CNTN5: variants seen among roughly 807,000 people sequenced by gnomAD.
CNTN5 encodes the protein contactin-5.
A neutral mutation model predicts 129.1 loss-of-function variants in CNTN5; 77 were observed. That is an observed-to-expected ratio of 0.60 (90% CI 0.50 to 0.72). CNTN5 has a LOEUF of 0.72. Among genes scored for constraint, CNTN5 ranks in the 30% least tolerant of loss-of-function variants. The pLI is 0.00. For synonymous variants in CNTN5, 509 were observed against 465.6 expected (o/e 1.09, Z -1.20); for missense variants, 1,478 against 1,328.8 (o/e 1.11, Z -1.75).
intron 1 of CNTN5, among the ~76,000 whole-genome samples, chr11:99,037,615 C>T (rs922317530): frequency 7.5e-6 from 1 of 132,568 alleles, no homozygotes; most frequent in African/African-American, 2.9e-5. Flanking sequence ...GAGTCTCGCT[C>T]TCTTACCCAG....
intron 2 of CNTN5, among the ~76,000 whole-genome samples, chr11:99,411,538 AC>A (rs965905628): frequency 1.5e-4 from 22 of 149,632 alleles, no homozygotes; most frequent in Admixed American, 6.6e-4. Flanking sequence ...ATAAATAAAT[AC>A]AAAAAATTTT....
At chr11:99,460,753 A>T (rs1023485726) in intron 2 of CNTN5, among the ~76,000 whole-genome samples, 2 of 152,028 alleles carry the variant, frequency 1.3e-5, no homozygotes, top group Non-Finnish European at 2.9e-5. Flanking sequence ...TGAAAGAGGG[A>T]AAAGTCGAAT....
At chr11:99,528,443 C>A (rs1007012253) in intron 2 of CNTN5, among the ~76,000 whole-genome samples, 14 of 152,300 alleles carry the variant, frequency 9.2e-5, no homozygotes, top group African/African-American at 3.4e-4. Flanking sequence ...GAGCACCAAG[C>A]TTTATAACTG....
intron 1 of CNTN5, among the ~76,000 whole-genome samples, chr11:99,282,593 A>G (rs1004400055): frequency 9.2e-5 from 14 of 152,078 alleles, no homozygotes; most frequent in East Asian, 3.9e-4. Context: ...ATGTCTAACA[A>G]TTTTTAAAGT....
chr11:99,909,469 C>G lies in CNTN5; in HGVS notation c.578-6585C>G, dbSNP rs373411229. Among the ~76,000 whole-genome samples the G allele has an allele frequency of 1.4e-4, 21 of 152,054 alleles. No individual in the cohort carries two copies. In the East Asian group the frequency reaches 3.7e-3, roughly 27 times the overall value. On this transcript the variant is annotated intron_variant, in intron 6 of 24. Coordinates refer to ENST00000524871, the MANE Select transcript of CNTN5 (RefSeq NM_014361.4). ...AACCATCCCATTACTGGGTATATAC[C>G]CAAAGGATTATAAAACATGCTGCTC...
intron 6 of CNTN5, among the ~76,000 whole-genome samples, chr11:99,887,745 G>C (rs578089883): frequency 6.6e-6 from 1 of 152,352 alleles, no homozygotes; most frequent in East Asian, 1.9e-4. Context: ...TGATGTTTGA[G>C]ATCAGGAAGC....
intron 6 of CNTN5, among the ~76,000 whole-genome samples, chr11:99,858,537 A>AAG (rs1312448896): frequency 4.0e-5 from 6 of 151,842 alleles, no homozygotes; most frequent in Non-Finnish European, 7.4e-5. Flanking sequence ...AACAGTTGCC[A>AAG]AAGCTATCAA....
chr11:99,741,478 C>A (rs2135160239), intron 3 of CNTN5, among the ~76,000 whole-genome samples: 1 of 152,044 alleles, frequency 6.6e-6, no homozygotes, highest in Non-Finnish European at 1.5e-5. Flanking sequence ...CTCTGTGGTA[C>A]CAGAATTTAT....
intron 9 of CNTN5, among the ~76,000 whole-genome samples, chr11:100,019,502 T>C (rs1941014732): frequency 2.0e-5 from 3 of 152,122 alleles, no homozygotes; most frequent in African/African-American, 7.2e-5. Context: ...GGTTCATCCA[T>C]GTTGTTACAA....
intron 6 of CNTN5, among the ~76,000 whole-genome samples, chr11:99,857,565 T>C (rs1948078564): frequency 6.6e-6 from 1 of 152,144 alleles, no homozygotes; most frequent in Non-Finnish European, 1.5e-5. Context: ...TATTAATAAC[T>C]ATGTTGAATA....
chr11:99,276,973 A>G (rs1487818754), intron 1 of CNTN5, among the ~76,000 whole-genome samples: 1 of 151,676 alleles, frequency 6.6e-6, no homozygotes, highest in East Asian at 1.9e-4. Flanking sequence ...GATATGTGAT[A>G]TAAACTTTAA....
intron 18 of CNTN5, among the ~76,000 whole-genome samples, chr11:100,284,234 A>G (rs1591473671): frequency 6.6e-6 from 1 of 152,254 alleles, no homozygotes; most frequent in East Asian, 1.9e-4. Flanking sequence ...GTGAGTGCTC[A>G]CCTGATTTTT....
chr11:99,480,107 T>C (rs1310326104), intron 2 of CNTN5, among the ~76,000 whole-genome samples: 1 of 152,196 alleles, frequency 6.6e-6, no homozygotes, highest in Non-Finnish European at 1.5e-5. Flanking sequence ...TTGATGCTGG[T>C]TGTAAGTAAG....
chr11:100,310,761 T>C (rs1951454845), intron 21 of CNTN5, among the ~76,000 whole-genome samples: 1 of 151,866 alleles, frequency 6.6e-6, no homozygotes, highest in African/African-American at 2.4e-5. Context: ...GGTTGCGACA[T>C]GTGAGTAGAG....
chr11:99,500,401 A>G (rs1946383788), intron 2 of CNTN5, among the ~76,000 whole-genome samples: 1 of 152,184 alleles, frequency 6.6e-6, no homozygotes, highest in African/African-American at 2.4e-5. Context: ...AGATCTGAAG[A>G]GCTTAAAATG....
intron 3 of CNTN5, among the ~76,000 whole-genome samples, chr11:99,623,534 T>G (rs1442765372): frequency 6.6e-6 from 1 of 152,068 alleles, no homozygotes; most frequent in Non-Finnish European, 1.5e-5. Context: ...TAGCATATTT[T>G]GACTTACATA....
chr11:99,355,032 A>G lies in CNTN5; in HGVS notation c.-71+29548A>G, dbSNP rs553372274. On this transcript the variant is annotated intron_variant, in intron 2 of 24. Coordinates refer to ENST00000524871, the MANE Select transcript of CNTN5 (RefSeq NM_014361.4). ...ACTGCTGTTATCTCTGTCTGGAAAG[A>G]CCTTAATCACTGGTAATTTTGTGGC... is the stretch of plus-strand genomic sequence containing the variant. Among the ~76,000 whole-genome samples, 4 of 152,222 alleles carry G rather than the reference A, an allele frequency of 2.6e-5. No individual in the cohort carries two copies. The East Asian group carries it at 7.7e-4, about 29-fold the overall frequency.
At chr11:100,070,309 A>T in intron 10 of CNTN5, 115 bp from the exon 11 acceptor site, 1 of 1,061,792 alleles carries the variant, frequency 9.4e-7, no homozygotes, top group East Asian at 2.6e-5. Flanking sequence ...CAAAATACCT[A>T]TGGTTGAATG....
chr11:99,652,251 C>T (rs1242981523), intron 3 of CNTN5, among the ~76,000 whole-genome samples: 1 of 152,036 alleles, frequency 6.6e-6, no homozygotes, highest in Admixed American at 6.6e-5. Flanking sequence ...TGTCCTCAGG[C>T]CTTAGTCATA....
Sources: allele counts gnomAD v4.1 joint callset (sites outside exome capture counted in the v4.1 genomes callset), GRCh38; gene constraint gnomAD v4.1.1; transcripts MANE v1.5; gene names NCBI Gene and HGNC (gene_info 2026-07-23, HGNC 2026-07-21).